The following CCDC57 variants were observed in gnomAD, a reference collection of about 807,000 sequenced individuals.
CCDC57 encodes the protein coiled-coil domain containing 57.
Under a neutral mutation model 118.9 loss-of-function variants are expected in CCDC57, and 118 were observed. The ratio of observed to expected loss-of-function variants is 0.99; its 90% CI spans 0.86 to 1.16. The LOEUF (loss-of-function observed/expected upper bound fraction) is 1.16. Ranked by LOEUF, CCDC57 falls within the 50% of genes most tolerant of loss-of-function variation. CCDC57 has a pLI of 0.00. For missense variants in CCDC57, 1,300 were observed against 1,320.7 expected, an observed-to-expected ratio of 0.98 and a Z score of 0.24; for synonymous variants, 527 against 532.9, an observed-to-expected ratio of 0.99 and a Z score of 0.15.
chr17:82,176,292 C>T (rs1271024025), intron 11 of CCDC57, among the ~76,000 whole-genome samples: 1 of 151,550 alleles, frequency 6.6e-6, no homozygotes, highest in Non-Finnish European at 1.5e-5. Context: ...TGGAAAGAAC[C>T]CAGGGCTCAG....
intron 19 of CCDC57, among the ~76,000 whole-genome samples, chr17:82,102,991 C>G (rs2034569943): frequency 6.6e-6 from 1 of 152,178 alleles, no homozygotes; most frequent in African/African-American, 2.4e-5. Flanking sequence ...CAGCACGTGG[C>G]TGAATGTGGC....
intron 19 of CCDC57, among the ~76,000 whole-genome samples, chr17:82,115,025 G>A (rs908799809): frequency 3.9e-5 from 6 of 152,234 alleles, no homozygotes; most frequent in African/African-American, 1.4e-4. Flanking sequence ...ACTCCACGAG[G>A]CTGGCAGTCA....
chr17:82,160,122 G>A (rs1473859186), intron 14 of CCDC57: 5 of 152,250 alleles, frequency 3.3e-5, no homozygotes, highest in Admixed American at 3.3e-4. Context: ...AAGAAGCAGA[G>A]GCTGCAGGGA....
chr17:82,198,083 T>C (rs2048522769), intron 4 of CCDC57, among the ~76,000 whole-genome samples: 2 of 152,162 alleles, frequency 1.3e-5, no homozygotes, highest in South Asian at 4.1e-4. Flanking sequence ...GACTAATCCA[T>C]GAGGAAAGAA....
chr17:82,194,481 T>G (rs1164574758), intron 5 of CCDC57, among the ~76,000 whole-genome samples: 2 of 152,000 alleles, frequency 1.3e-5, no homozygotes, highest in Non-Finnish European at 2.9e-5. Flanking sequence ...CAGCTAATTT[T>G]TGTATTTTTA....
At chr17:82,201,672 C>T (rs1396096899) in exon 3 of CCDC57, 6 of 1,613,298 alleles carry the variant, frequency 3.7e-6, no homozygotes, top group Non-Finnish European at 5.1e-6. Context: ...GCTCGCTCAC[C>T]TCTGCCCGCC....
intron 19 of CCDC57, among the ~76,000 whole-genome samples, chr17:82,122,989 C>G (rs892235393): frequency 1.3e-5 from 2 of 152,184 alleles, no homozygotes; most frequent in Non-Finnish European, 2.9e-5. Flanking sequence ...CTACTACCCC[C>G]CTGAGACCAC....
chr17:82,191,198 C>G (rs2047633363), intron 7 of CCDC57, among the ~76,000 whole-genome samples: 1 of 151,938 alleles, frequency 6.6e-6, no homozygotes, highest in Non-Finnish European at 1.5e-5. Flanking sequence ...CAGAGCTGAC[C>G]CCACAGCAGA....
intron 13 of CCDC57, among the ~76,000 whole-genome samples, chr17:82,169,361 T>G (rs1032222766): frequency 3.9e-5 from 6 of 152,160 alleles, no homozygotes; most frequent in African/African-American, 1.4e-4. Flanking sequence ...ACTCCCGACC[T>G]CAGGTGATCC....
chr17:82,167,763 G>A (rs1259801226), intron 13 of CCDC57, among the ~76,000 whole-genome samples: 1 of 151,602 alleles, frequency 6.6e-6, no homozygotes, highest in East Asian at 1.9e-4. Flanking sequence ...TTACAGGTGT[G>A]CGCCACCGTG....
intron 16 of CCDC57, among the ~76,000 whole-genome samples, chr17:82,139,062 T>C (rs1224262400): frequency 2.6e-5 from 4 of 152,224 alleles, no homozygotes; most frequent in Non-Finnish European, 5.9e-5. Flanking sequence ...GGTATAGTCA[T>C]GGAATAGTCA....
intron 12 of CCDC57, 77 bp from the exon 12 acceptor site, chr17:82,171,930 G>A: frequency 1.3e-6 from 2 of 1,493,162 alleles, no homozygotes; most frequent in Non-Finnish European, 1.8e-6. Flanking sequence ...CACCAGCTCA[G>A]GGAGCCGATG....
At chr17:82,138,851 C>T (rs1028278987) in intron 16 of CCDC57, among the ~76,000 whole-genome samples, 5 of 152,196 alleles carry the variant, frequency 3.3e-5, no homozygotes, top group African/African-American at 7.2e-5. Flanking sequence ...TGCTGTCAGC[C>T]GGCAGCAGTC....
intron 15 of CCDC57, among the ~76,000 whole-genome samples, chr17:82,152,840 G>A (rs983367197): frequency 1.3e-5 from 2 of 152,186 alleles, no homozygotes; most frequent in Non-Finnish European, 2.9e-5. Flanking sequence ...GGCCTGGGGT[G>A]CAGCCACTGT....
chr17:82,110,596 C>A (rs780538077), intron 19 of CCDC57, among the ~76,000 whole-genome samples: 3 of 152,224 alleles, frequency 2.0e-5, no homozygotes, highest in Non-Finnish European at 4.4e-5. Flanking sequence ...TACCAGGCCA[C>A]AGAGCAAGTC....
chr17:82,151,727 A>C (rs2042091465), exon 16 of CCDC57: 1 of 1,550,086 alleles, frequency 6.5e-7, no homozygotes, highest in African/African-American at 1.4e-5. Flanking sequence ...GTGCAGGAAA[A>C]GCTCCCCCTG....
At chr17:82,190,707 A>G (rs2146675148) in intron 7 of CCDC57, among the ~76,000 whole-genome samples, 1 of 151,862 alleles carries the variant, frequency 6.6e-6, no homozygotes, top group East Asian at 1.9e-4. Context: ...AAAAAAAAAA[A>G]AAAAAAAAAA....
chr17:82,212,394 TC>T lies in CCDC57; in HGVS notation c.-211+390del, dbSNP rs1320953070. Reference sequence around the variant, plus strand: ...CACCGCCTCCGGCCTTTTTTTTTCCTCTCTTTTTTTTTTTTTTTTTTTAAAC... The same window carrying T: ...CACCGCCTCCGGCCTTTTTTTTTCCTTCTTTTTTTTTTTTTTTTTTTAAAC... On this transcript the variant is annotated intron_variant, in intron 1 of 19. Transcript: ENST00000665763. The surrounding 1 kb of genome is among the most constrained non-coding windows in gnomAD (Gnocchi z 4.1). Among the ~76,000 whole-genome samples, 8 of 32,982 alleles carry T rather than the reference TC, an allele frequency of 2.4e-4. No individual in the cohort carries two copies. The highest frequency in any genetic ancestry group is 3.4e-4 in the African/African-American group (2 of 5,858). 21.6% of individuals were successfully genotyped at this position (32,982 alleles called of 152,430 possible). A position where few individuals can be genotyped will look rare whatever the true frequency, so the allele number is the denominator to read the frequency against.
At chr17:82,187,012 G>A (rs1265449935) in intron 8 of CCDC57, among the ~76,000 whole-genome samples, 1 of 151,990 alleles carries the variant, frequency 6.6e-6, no homozygotes, top group African/African-American at 2.4e-5. Context: ...GCCGAGGCAG[G>A]GGGATCACAA....
Sources: gnomAD v4.1 joint callset for allele counts (sites outside exome capture counted in the v4.1 genomes callset) on GRCh38, gnomAD v4.1.1 for gene constraint, Gnocchi (gnomAD v3.1) non-coding constraint, MANE v1.5 for transcripts, NCBI Gene and HGNC (gene_info 2026-07-23, HGNC 2026-07-21) for gene names.